DHX57: variants seen among roughly 807,000 people sequenced by gnomAD.
DHX57 encodes the protein putative ATP-dependent RNA helicase DHX57.
Under a neutral mutation model 156.2 loss-of-function variants are expected in DHX57, and 105 were observed. The ratio of observed to expected loss-of-function variants is 0.67; its 90% CI spans 0.57 to 0.79. The LOEUF (loss-of-function observed/expected upper bound fraction) is 0.79. Among genes scored for constraint, DHX57 ranks in the 30% least tolerant of loss-of-function variants. The pLI is 0.00. For synonymous variants in DHX57, 704 were observed against 595.6 expected (o/e 1.18, Z -2.65); for missense variants, 1,847 against 1,661.9 (o/e 1.11, Z -1.94).
chr2:38,820,172 T>TA, intron 17 of DHX57, among the ~76,000 whole-genome samples: 2 of 152,338 alleles, frequency 1.3e-5, no homozygotes, highest in East Asian at 3.9e-4. Context: ...AATAAAATTT[T>TA]AATTTCTACT....
intron 1 of DHX57, among the ~76,000 whole-genome samples, chr2:38,870,545 G>A (rs1665302794): frequency 6.6e-6 from 1 of 152,216 alleles, no homozygotes; most frequent in African/African-American, 2.4e-5. Context: ...CAGAAACAAT[G>A]GAGGGCAGAA....
chr2:38,826,054 A>G lies in DHX57; in HGVS notation c.2814-7T>C. ...CCCTTTGCTGGCATCATATCTATAA[A>G]GAAAAAGAAAATATAAATTGAGTCA... On this transcript the variant is annotated splice_polypyrimidine_tract_variant and splice_region_variant and intron_variant, in intron 15 of 23. Transcript: ENST00000457308. 6.2e-7 allele frequency: 1 copy of G among 1,611,450 alleles called. No individual in the cohort carries two copies. Among genetic ancestry groups the G allele is most frequent in the Non-Finnish European group, 8.5e-7 (1 of 1,178,354 alleles).
intron 6 of DHX57, chr2:38,856,898 T>C (rs10219): frequency 0.23 from 35,224 of 153,374 alleles, 4,779 homozygotes; most frequent in Admixed American, 0.29. Context: ...GAAGACTTTA[T>C]TCAGAATGCT....
chr2:38,867,076 C>T (rs1490615638), intron 2 of DHX57: 1 of 152,196 alleles, frequency 6.6e-6, no homozygotes, highest in Non-Finnish European at 1.5e-5. Flanking sequence ...ACCTTTTCTA[C>T]AACTAGACAT....
In DHX57 at chr2:38,861,106, G is replaced by A. The variant is rs750828395; in HGVS notation, c.1304C>T (p.Pro435Leu). 13 of 1,614,202 alleles carry A rather than the reference G, an allele frequency of 8.1e-6. No individual in the cohort carries two copies. In the South Asian group the frequency reaches 1.3e-4, roughly 16 times the overall value. The change falls in exon 5 of 24, where the codon CCT becomes CTT. Residue 435 changes from proline (P) to leucine (L), a missense_variant. By Grantham distance (98) the Pro-to-Leu change is moderately conservative. Coordinates refer to ENST00000457308, the MANE Select transcript of DHX57 (RefSeq NM_198963.3). The part of the protein sequence containing the change: ...LTNTHHKYSD[P>L]PVNFLPVPSR... ...GGGTACTGGCAGAAAGTTCACAGGA[G>A]GGTCACTATACTTGTGGTGGGTATT... is the stretch of plus-strand genomic sequence containing the variant.
In DHX57 at chr2:38,828,380, G is replaced by A. The variant is rs746561262; in HGVS notation, c.2599C>T (p.Leu867=). 1.2e-6 allele frequency: 2 copies of A among 1,613,546 alleles called. No individual in the cohort carries two copies. Among genetic ancestry groups the A allele is most frequent in the South Asian group, 1.1e-5 (1 of 91,004 alleles). Reference sequence around the variant, plus strand: ...TTGTTGAAAAGAGAATTAGACTGTAGCTGTTCATAAAGCATTTTGATTTCT... The same window carrying A: ...TTGTTGAAAAGAGAATTAGACTGTAACTGTTCATAAAGCATTTTGATTTCT... ...LAEIKMLYEQ[L]QSNSLFNNRR... The change falls in exon 14 of 24, where the codon CTA becomes TTA. Residue 867 remains leucine, a synonymous_variant. Coordinates refer to ENST00000457308, the MANE Select transcript of DHX57 (RefSeq NM_198963.3).
In DHX57 at chr2:38,858,777, C is replaced by T; in HGVS notation, c.1471G>A (p.Val491Ile). Reference protein sequence around the residue: ...DEDDGPAPVIVENESYVNLKK... With the variant: ...DEDDGPAPVIIENESYVNLKK... The stretch of plus-strand genomic sequence containing the variant: ...AGGTTCACATAGCTTTCATTCTCTA[C>T]TATAACAGGTGCAGGACCGTCATCC... Residue 491 changes from valine to isoleucine, a missense_variant, in exon 6 of 24, where the codon GTA becomes ATA. Val to Ile is a conservative substitution (Grantham distance 29). Transcript: ENST00000457308. 1 of 1,614,108 alleles carries T rather than the reference C, an allele frequency of 6.2e-7. No individual in the cohort carries two copies. The highest frequency in any genetic ancestry group is 8.5e-7 in the Non-Finnish European group (1 of 1,180,026).
Position 38,861,664 on chromosome 2 carries a change from T to C in DHX57, c.746A>G (p.Gln249Arg). Residue 249 changes from glutamine (Q) to arginine (R), a missense_variant, in exon 5 of 24, where the codon CAG becomes CGG. Coordinates refer to ENST00000457308, the MANE Select transcript of DHX57 (RefSeq NM_198963.3). ...ISLDECMEQR[Q>R]EEAFALKSIC... Reference sequence around the variant, plus strand: ...GGACTTGAGAGCAAATGCCTCTTCCTGTCGCTGTTCCATACACTCATCCAA... The same window carrying C: ...GGACTTGAGAGCAAATGCCTCTTCCCGTCGCTGTTCCATACACTCATCCAA... 1.2e-6 allele frequency: 2 copies of C among 1,614,212 alleles called. No individual in the cohort carries two copies. The highest frequency in any genetic ancestry group is 2.7e-5 in the African/African-American group (2 of 75,054).
intron 16 of DHX57, among the ~76,000 whole-genome samples, chr2:38,823,859 A>G (rs1431854457): frequency 6.6e-6 from 1 of 152,140 alleles, no homozygotes; most frequent in African/African-American, 2.4e-5. Flanking sequence ...TAAAAATACA[A>G]AAATTAGCCA....
chr2:38,814,277 T>G (rs958301184), intron 20 of DHX57, among the ~76,000 whole-genome samples: 2 of 152,146 alleles, frequency 1.3e-5, no homozygotes, highest in Non-Finnish European at 2.9e-5. Context: ...GGATTTACCG[T>G]TTTATTATAT....
At chr2:38,802,678 G>GC in intron 23 of DHX57, 37 bp downstream of exon 23, 1 of 1,610,924 alleles carries the variant, frequency 6.2e-7, no homozygotes, top group Non-Finnish European at 8.5e-7. Flanking sequence ...GCCCCTCATG[G>GC]CCTGAGCCTC....
chr2:38,868,140 GA>G (rs1665172348), intron 2 of DHX57, 41 bp downstream of exon 2: 1 of 1,604,304 alleles, frequency 6.2e-7, no homozygotes. Context: ...ATTAGGGGTT[GA>G]TACCATTTCC....
intron 12 of DHX57, among the ~76,000 whole-genome samples, chr2:38,841,599 G>A (rs1195440764): frequency 1.3e-5 from 2 of 152,214 alleles, no homozygotes; most frequent in Non-Finnish European, 2.9e-5. Flanking sequence ...CATTTGCCTT[G>A]TATCCTACAG....
intron 16 of DHX57, among the ~76,000 whole-genome samples, chr2:38,825,554 C>T (rs1263271210): frequency 6.6e-6 from 1 of 152,164 alleles, no homozygotes; most frequent in Non-Finnish European, 1.5e-5. Context: ...CCACCTGCCT[C>T]AGTCTCCCAA....
intron 9 of DHX57, among the ~76,000 whole-genome samples, chr2:38,850,621 C>T (rs1572689057): frequency 6.6e-6 from 1 of 152,066 alleles, no homozygotes; most frequent in South Asian, 2.1e-4. Flanking sequence ...TTAATGAAAA[C>T]ATTCTTATAC....
At chr2:38,814,737 T>TC (rs2148545642) in intron 20 of DHX57, among the ~76,000 whole-genome samples, 1 of 152,068 alleles carries the variant, frequency 6.6e-6, no homozygotes, top group East Asian at 1.9e-4. Context: ...TGTTTTTTTT[T>TC]TTGAGACAGA....
chr2:38,801,788 G>C (rs1024289625), intron 23 of DHX57, among the ~76,000 whole-genome samples: 1 of 152,010 alleles, frequency 6.6e-6, no homozygotes, highest in Non-Finnish European at 1.5e-5. Context: ...GTAGAGATGG[G>C]GTTTCACCAT....
Position 38,843,123 on chromosome 2 carries a change from T to C in DHX57, c.2307A>G (p.Ala769=), listed in dbSNP as rs1460554568. The change falls in exon 12 of 24, where the codon GCA becomes GCG. Residue 769 remains alanine (A), a synonymous_variant. Coordinates refer to ENST00000457308, the MANE Select transcript of DHX57 (RefSeq NM_198963.3). ...EKLKARRNRT[A]FEEVEEDLRL... ...TTAGGTCTTCTTCCACTTCTTCAAA[T>C]GCAGTTCTGTTCCGCCTTGCTTTAA... is the stretch of plus-strand genomic sequence containing the variant. 1.9e-6 allele frequency: 3 copies of C among 1,614,216 alleles called. No individual in the cohort carries two copies. The highest frequency in any genetic ancestry group is 2.5e-6 in the Non-Finnish European group (3 of 1,180,026).
intron 12 of DHX57, among the ~76,000 whole-genome samples, chr2:38,841,557 C>T (rs1254862181): frequency 6.6e-6 from 1 of 152,192 alleles, no homozygotes; most frequent in African/African-American, 2.4e-5. Context: ...GGATTGGGAA[C>T]TGTCTTTGGT....
Sources: gnomAD v4.1 joint callset for allele counts (sites outside exome capture counted in the v4.1 genomes callset) on GRCh38, gnomAD v4.1.1 for gene constraint, MANE v1.5 for transcripts, NCBI Gene and HGNC (gene_info 2026-07-23, HGNC 2026-07-21) for gene names.